Variants in LUZP2 observed in about 807,000 individuals in gnomAD.
LUZP2 encodes leucine zipper protein 2.
Under a neutral mutation model 51.6 loss-of-function variants are expected in LUZP2, and 52 were observed. The ratio of observed to expected loss-of-function variants is 1.01; its 90% confidence interval spans 0.81 to 1.27. LUZP2 has a LOEUF of 1.27. Ranked by LOEUF, LUZP2 falls within the 50% of genes most tolerant of loss-of-function variation. The pLI is 0.00. For synonymous variants in LUZP2, 154 were observed against 137.3 expected, an observed-to-expected ratio of 1.12 and a Z score of -0.85; for missense variants, 436 against 395.4, an observed-to-expected ratio of 1.10 and a Z score of -0.87.
intron 9 of LUZP2, among the ~76,000 whole-genome samples, chr11:25,025,277 A>G (rs905821634): frequency 4.6e-5 from 7 of 152,148 alleles, no homozygotes; most frequent in Admixed American, 2.6e-4. Flanking sequence ...TATGGCAACA[A>G]AAGCCAAAAT....
At chr11:24,918,576 C>G (rs1278277164) in intron 7 of LUZP2, among the ~76,000 whole-genome samples, 2 of 151,356 alleles carry the variant, frequency 1.3e-5, no homozygotes, top group East Asian at 3.9e-4. Flanking sequence ...ATAATAAGAG[C>G]TATTTATGAC....
At chr11:24,887,164 C>G (rs1287731236) in intron 5 of LUZP2, among the ~76,000 whole-genome samples, 2 of 150,154 alleles carry the variant, frequency 1.3e-5, no homozygotes, top group Non-Finnish European at 3.0e-5. Context: ...TGGGGAAAAC[C>G]CAGCCTGCGA....
At chr11:24,893,069 A>C (rs1852906883) in intron 5 of LUZP2, 1 of 152,194 alleles carries the variant, frequency 6.6e-6, no homozygotes, top group Non-Finnish European at 1.5e-5. Context: ...ATTTTTAAAG[A>C]TACATGTCTA....
chr11:24,644,247 C>G (rs188370097), intron 1 of LUZP2, among the ~76,000 whole-genome samples: 1 of 152,122 alleles, frequency 6.6e-6, no homozygotes, highest in African/African-American at 2.4e-5. Flanking sequence ...TCTTATGTTT[C>G]TTATAATGTC....
intron 4 of LUZP2, among the ~76,000 whole-genome samples, chr11:24,753,295 G>T (rs1859659704): frequency 6.6e-6 from 1 of 152,122 alleles, no homozygotes; most frequent in South Asian, 2.1e-4. Context: ...AATAGGGGAA[G>T]GGGCAAGAAG....
chr11:24,994,022 G>A (rs7946721), intron 9 of LUZP2, among the ~76,000 whole-genome samples: 60,115 of 151,870 alleles, frequency 0.4, 14,379 homozygotes, highest in East Asian at 0.78. Context: ...CAACACGCCC[G>A]ACTAATTTTT....
intron 1 of LUZP2, among the ~76,000 whole-genome samples, chr11:24,612,066 T>G (rs540003845): frequency 7.0e-4 from 107 of 152,200 alleles, no homozygotes; most frequent in Middle Eastern, 3.4e-3. Context: ...TATGAAATTC[T>G]AAGGAAGGAA....
Position 24,597,646 on chromosome 11 carries a change from G to T in LUZP2, c.62+100341G>T, listed in dbSNP as rs147430623. Among the ~76,000 whole-genome samples, 584 of 152,256 alleles carry T rather than the reference G, an allele frequency of 3.8e-3. 8 individuals are homozygous for T. Among genetic ancestry groups the T allele is most frequent in the African/African-American group, 0.013 (558 of 41,544 alleles). Reference sequence around the variant, plus strand: ...TGATAGGATTGCCCTTGTAGTTCATGGTTAGATCCTATGATAAATAAAGCA... The same window carrying T: ...TGATAGGATTGCCCTTGTAGTTCATTGTTAGATCCTATGATAAATAAAGCA... On this transcript the variant is annotated intron_variant, in intron 1 of 11. Transcript: ENST00000336930.
At chr11:24,609,091 G>A (rs1309567832) in intron 1 of LUZP2, among the ~76,000 whole-genome samples, 1 of 152,118 alleles carries the variant, frequency 6.6e-6, no homozygotes, top group African/African-American at 2.4e-5. Context: ...GGACTTGTAG[G>A]TTGGAAACTA....
At chr11:24,623,839 C>A (rs138778492) in intron 1 of LUZP2, among the ~76,000 whole-genome samples, 20 of 152,034 alleles carry the variant, frequency 1.3e-4, no homozygotes, top group African/African-American at 4.8e-4. Flanking sequence ...AGAGTGAGAC[C>A]CCATATCAAA....
chr11:24,932,876 G>A (rs1854496071), intron 7 of LUZP2, among the ~76,000 whole-genome samples: 1 of 152,154 alleles, frequency 6.6e-6, no homozygotes, highest in Non-Finnish European at 1.5e-5. Context: ...AGTACAGCTG[G>A]ACGTTTCCTT....
intron 4 of LUZP2, among the ~76,000 whole-genome samples, chr11:24,755,413 G>A (rs902397972): frequency 2.6e-5 from 4 of 152,092 alleles, no homozygotes; most frequent in Non-Finnish European, 1.5e-5. Flanking sequence ...GAGGCTAGTG[G>A]CCTGAGCTCA....
chr11:24,935,500 G>T (rs1430650228), intron 7 of LUZP2, among the ~76,000 whole-genome samples: 1 of 152,056 alleles, frequency 6.6e-6, no homozygotes, highest in Non-Finnish European at 1.5e-5. Flanking sequence ...TGACATTTTA[G>T]GTTCTAAAAT....
chr11:24,621,118 A>G (rs1854479248), intron 1 of LUZP2, among the ~76,000 whole-genome samples: 1 of 152,212 alleles, frequency 6.6e-6, no homozygotes, highest in African/African-American at 2.4e-5. Flanking sequence ...TATCATCCTT[A>G]GAGTAGAAAA....
At chr11:24,508,159 G>C (rs970161437) in intron 1 of LUZP2, among the ~76,000 whole-genome samples, 1 of 152,060 alleles carries the variant, frequency 6.6e-6, no homozygotes, top group Non-Finnish European at 1.5e-5. Flanking sequence ...CTGGTAAGCA[G>C]TGGAGTCTAA....
At chr11:25,018,907 C>T (rs776110658) in intron 9 of LUZP2, among the ~76,000 whole-genome samples, 2 of 152,132 alleles carry the variant, frequency 1.3e-5, no homozygotes, top group Non-Finnish European at 2.9e-5. Context: ...TAAGTCCAGC[C>T]TTATCTTCCC....
At chr11:24,887,192 ATTTTGTTTTG>A (rs3078895) in intron 5 of LUZP2, among the ~76,000 whole-genome samples, 2 of 151,426 alleles carry the variant, frequency 1.3e-5, no homozygotes, top group Admixed American at 1.3e-4. Context: ...AGTTTTTTTG[ATTTTGTTTTG>A]TTTTGTTTTG....
chr11:24,600,187 A>AAACG (rs1176192128), intron 1 of LUZP2, among the ~76,000 whole-genome samples: 10 of 76,768 alleles, frequency 1.3e-4, no homozygotes, highest in African/African-American at 6.0e-4. Context: ...ACACACACAC[A>AAACG]CACACACACA....
intron 4 of LUZP2, among the ~76,000 whole-genome samples, chr11:24,752,795 C>T (rs1859640900): frequency 6.6e-6 from 1 of 151,516 alleles, no homozygotes; most frequent in Non-Finnish European, 1.5e-5. Context: ...TTCAAGATGG[C>T]CAAAGTTCCA....
Sources: allele counts gnomAD v4.1 joint callset (sites outside exome capture counted in the v4.1 genomes callset), GRCh38; gene constraint gnomAD v4.1.1; transcripts MANE v1.5; gene names NCBI Gene and HGNC (gene_info 2026-07-23, HGNC 2026-07-21).